Variants in ERBB4 observed in about 807,000 individuals in gnomAD.
ERBB4 encodes the protein erb-b2 receptor tyrosine kinase 4, also known as receptor tyrosine-protein kinase erbB-4.
A neutral mutation model predicts 158.0 loss-of-function variants in ERBB4; 42 were observed. The ratio of observed to expected loss-of-function variants is 0.27; its 90% CI spans 0.21 to 0.34. The LOEUF (loss-of-function observed/expected upper bound fraction) is 0.34. Among genes scored for constraint, ERBB4 ranks in the 10% least tolerant of loss-of-function variants. The probability of loss-of-function intolerance (pLI) is 1.00; values close to 1 mark genes in which losing one functional copy is unlikely to be tolerated. For synonymous variants in ERBB4, 583 were observed against 558.7 expected (o/e 1.04, Z -0.61); for missense variants, 1,333 against 1,624.1 (o/e 0.82, Z 3.08).
chr2:211,556,161 TAAACCAAAAA>T (rs1469293209), intron 20 of ERBB4, among the ~76,000 whole-genome samples: 3 of 151,930 alleles, frequency 2.0e-5, no homozygotes, highest in Non-Finnish European at 4.4e-5. Flanking sequence ...AAATAGACTA[TAAACCAAAAA>T]AGATCAAAAA....
In ERBB4 at chr2:212,296,773, C is replaced by T. The variant is rs531615913; in HGVS notation, c.83-171870G>A. ...TTTAGGTGTTCACTAAGGCTTGGAC[C>T]AGGGTGAGGCAAGCAAGGCATTCAG... On this transcript the variant is annotated intron_variant, in intron 1 of 27. Transcript: ENST00000342788. Among the ~76,000 whole-genome samples the T allele has an allele frequency of 2.6e-5, 4 of 151,894 alleles. No homozygotes were observed. The East Asian group carries it at 7.8e-4, about 30-fold the overall frequency.
chr2:211,698,968 T>G (rs2073129676), intron 12 of ERBB4, among the ~76,000 whole-genome samples: 1 of 152,156 alleles, frequency 6.6e-6, no homozygotes, highest in Non-Finnish European at 1.5e-5. Context: ...GCTTTGAAAT[T>G]TTTGACTTAA....
chr2:211,620,122 A>G (rs2069542225), intron 18 of ERBB4, among the ~76,000 whole-genome samples: 1 of 152,182 alleles, frequency 6.6e-6, no homozygotes. Context: ...TGATTTTGAT[A>G]AGACATACAA....
intron 18 of ERBB4, among the ~76,000 whole-genome samples, chr2:211,622,944 C>T (rs1181454271): frequency 9.7e-6 from 1 of 102,722 alleles, no homozygotes; most frequent in Non-Finnish European, 1.8e-5. Context: ...GCCTGGCCAA[C>T]AGAGCGAGAC....
chr2:212,401,695 T>C (rs2091209073), intron 1 of ERBB4, among the ~76,000 whole-genome samples: 1 of 152,140 alleles, frequency 6.6e-6, no homozygotes, highest in Non-Finnish European at 1.5e-5. Flanking sequence ...TATAATCTTA[T>C]TTTTGTACAT....
At chr2:212,152,299 C>T (rs2080897730) in intron 1 of ERBB4, among the ~76,000 whole-genome samples, 1 of 151,994 alleles carries the variant, frequency 6.6e-6, no homozygotes, top group African/African-American at 2.4e-5. Context: ...TAATGCCTTC[C>T]AGAATTACTG....
chr2:211,397,880 G>T (rs1199625690), intron 25 of ERBB4, among the ~76,000 whole-genome samples: 1 of 152,052 alleles, frequency 6.6e-6, no homozygotes, highest in Non-Finnish European at 1.5e-5. Flanking sequence ...CAGGCCAGAG[G>T]GCATCTATTT....
chr2:212,036,716 G>A (rs1477218925), intron 2 of ERBB4, among the ~76,000 whole-genome samples: 1 of 152,102 alleles, frequency 6.6e-6, no homozygotes. Context: ...CTCCCGCCTC[G>A]GCCTGACAAA....
At chr2:212,070,319 C>T (rs1029946552) in intron 2 of ERBB4, among the ~76,000 whole-genome samples, 5 of 151,934 alleles carry the variant, frequency 3.3e-5, no homozygotes, top group East Asian at 1.9e-4. Flanking sequence ...TAAAAATCTC[C>T]GATGGCTTTC....
At chr2:212,144,666 C>T (rs575714920) in intron 1 of ERBB4, among the ~76,000 whole-genome samples, 1 of 152,046 alleles carries the variant, frequency 6.6e-6, no homozygotes, top group African/African-American at 2.4e-5. Flanking sequence ...TCTTATGTTC[C>T]AGTATATGGA....
At chr2:211,911,464 C>T (rs1175767458) in intron 3 of ERBB4, among the ~76,000 whole-genome samples, 4 of 151,876 alleles carry the variant, frequency 2.6e-5, no homozygotes, top group Admixed American at 2.6e-4. Flanking sequence ...TGGAGTCTCC[C>T]TAAGTTGCCC....
intron 7 of ERBB4, among the ~76,000 whole-genome samples, chr2:211,720,894 T>C (rs1488388419): frequency 6.6e-6 from 1 of 152,196 alleles, no homozygotes; most frequent in Non-Finnish European, 1.5e-5. Context: ...TTTCCTCTTA[T>C]TTTTACCACC....
chr2:212,312,554 G>C (rs1284170927), intron 1 of ERBB4, among the ~76,000 whole-genome samples: 1 of 150,740 alleles, frequency 6.6e-6, no homozygotes. Flanking sequence ...AGAATCAATT[G>C]TCAAATTAAA....
At chr2:211,639,436 G>A (rs1381121097) in intron 16 of ERBB4, among the ~76,000 whole-genome samples, 1 of 152,170 alleles carries the variant, frequency 6.6e-6, no homozygotes. Flanking sequence ...TTTCATAATA[G>A]AGCAGAAAGT....
chr2:212,015,053 T>A (rs375936533), intron 2 of ERBB4, among the ~76,000 whole-genome samples: 4,938 of 5,966 alleles, frequency 0.83, 2,134 homozygotes, highest in Middle Eastern at 1. Context: ...TATATATATA[T>A]ATATATATAT....
At chr2:211,631,102 G>A (rs1185957875) in intron 16 of ERBB4, among the ~76,000 whole-genome samples, 1 of 152,084 alleles carries the variant, frequency 6.6e-6, no homozygotes, top group Non-Finnish European at 1.5e-5. Flanking sequence ...ATTTTAGGAT[G>A]TTTAGTAGCA....
intron 1 of ERBB4, among the ~76,000 whole-genome samples, chr2:212,411,721 GTCTC>G (rs1034616844): frequency 6.6e-6 from 1 of 152,222 alleles, no homozygotes; most frequent in Non-Finnish European, 1.5e-5. Flanking sequence ...GAAGTCAACA[GTCTC>G]TCTCTCCCTT....
At chr2:212,311,071 ACTTC>A (rs1250780541) in intron 1 of ERBB4, among the ~76,000 whole-genome samples, 1 of 150,714 alleles carries the variant, frequency 6.6e-6, no homozygotes, top group Non-Finnish European at 1.5e-5. Flanking sequence ...GACAGTACAA[ACTTC>A]CTTGAGACTA....
intron 1 of ERBB4, among the ~76,000 whole-genome samples, chr2:212,327,693 A>C (rs1457669063): frequency 6.6e-6 from 1 of 150,638 alleles, no homozygotes; most frequent in African/African-American, 2.4e-5. Context: ...AATAGTCTAA[A>C]ACCCCTTTAA....
Sources: gnomAD v4.1 joint callset for allele counts (sites outside exome capture counted in the v4.1 genomes callset) on GRCh38, gnomAD v4.1.1 for gene constraint, MANE v1.5 for transcripts, NCBI Gene and HGNC (gene_info 2026-07-23, HGNC 2026-07-21) for gene names.